The following UQCRC2 variants were observed in gnomAD, a reference collection of about 807,000 sequenced individuals.
UQCRC2 encodes cytochrome b-c1 complex subunit 2, mitochondrial.
In UQCRC2, 49 loss-of-function variants were observed where a neutral mutation model predicts 55.6. The observed-to-expected ratio is 0.88, with a 90% CI of 0.70 to 1.12. UQCRC2 has a LOEUF of 1.12. UQCRC2 is among the 50% of genes most tolerant of loss of function. The probability of loss-of-function intolerance (pLI) is 0.00; values close to 1 mark genes in which losing one functional copy is unlikely to be tolerated. For missense variants in UQCRC2, 506 were observed against 547.8 expected, an observed-to-expected ratio of 0.92 and a Z score of 0.76; for synonymous variants, 193 against 192.0, an observed-to-expected ratio of 1.01 and a Z score of -0.04.
At chr16:21,974,341 G>A (rs562937549) in intron 11 of UQCRC2, among the ~76,000 whole-genome samples, 5 of 152,218 alleles carry the variant, frequency 3.3e-5, no homozygotes, top group African/African-American at 1.2e-4. Flanking sequence ...ATGATTGTAG[G>A]AAAAGAAAAC....
At chr16:21,956,356 C>T (rs1322192102) in intron 1 of UQCRC2, among the ~76,000 whole-genome samples, 1 of 152,036 alleles carries the variant, frequency 6.6e-6, no homozygotes, top group East Asian at 1.9e-4. Context: ...CCAGCCTGAG[C>T]TATGGGGTGA....
intron 4 of UQCRC2, chr16:21,959,653 C>T (rs1264835498): frequency 6.6e-6 from 1 of 152,250 alleles, no homozygotes; most frequent in African/African-American, 2.4e-5. Flanking sequence ...ATGGTGAATT[C>T]TTTCCAGAAA....
At chr16:21,980,373 AG>A in intron 12 of UQCRC2, 173 bp from the exon 13 acceptor site, 1 of 693,784 alleles carries the variant, frequency 1.4e-6, no homozygotes, top group Non-Finnish European at 2.3e-6. Context: ...TTACTGTTTT[AG>A]TATGTTCCAG....
intron 6 of UQCRC2, among the ~76,000 whole-genome samples, chr16:21,964,186 G>T (rs1898270740): frequency 6.6e-6 from 1 of 152,164 alleles, no homozygotes; most frequent in African/African-American, 2.4e-5. Flanking sequence ...CATTATCTTT[G>T]TTGCTCAGGA....
chr16:21,967,528 T>C (rs1392481627), intron 7 of UQCRC2, among the ~76,000 whole-genome samples: 1 of 152,178 alleles, frequency 6.6e-6, no homozygotes, highest in African/African-American at 2.4e-5. Context: ...AGCCCTACTT[T>C]TGTATATTAA....
intron 7 of UQCRC2, among the ~76,000 whole-genome samples, chr16:21,967,497 T>A (rs1271639724): frequency 6.6e-6 from 1 of 152,160 alleles, no homozygotes; most frequent in African/African-American, 2.4e-5. Flanking sequence ...GGATAGCATT[T>A]CTGTTGAAAG....
intron 1 of UQCRC2, 106 bp downstream of exon 1, chr16:21,953,562 T>G (rs1013922305): frequency 8.4e-6 from 12 of 1,430,312 alleles, no homozygotes; most frequent in African/African-American, 2.8e-5. Flanking sequence ...GGATTCGGTC[T>G]GCCCTTCAGC....
Position 21,953,465 on chromosome 16 carries a change from A to C in UQCRC2, c.33+9A>C. On this transcript the variant is annotated intron_variant, in intron 1 of 13. Transcript: ENST00000268379. ...GAGCCGGCTCTTTCTCGGTGAGCTC[A>C]GGTGGCGGGTTTGGGAAAGGGCTGG... 1 of 1,612,204 alleles carries C rather than the reference A, an allele frequency of 6.2e-7. No individual in the cohort carries two copies. Among genetic ancestry groups the C allele is most frequent in the Non-Finnish European group, 8.5e-7 (1 of 1,179,222 alleles).
At chr16:21,961,159 A>C (rs1035614438) in intron 4 of UQCRC2, among the ~76,000 whole-genome samples, 2 of 152,160 alleles carry the variant, frequency 1.3e-5, no homozygotes, top group African/African-American at 2.4e-5. Flanking sequence ...TGTCAGTGGT[A>C]AAGATGATAG....
At chr16:21,975,661 C>T (rs920412976) in intron 11 of UQCRC2, among the ~76,000 whole-genome samples, 1 of 152,134 alleles carries the variant, frequency 6.6e-6, no homozygotes, top group African/African-American at 2.4e-5. Flanking sequence ...AAAGTATGGA[C>T]AAGCCTTACA....
At chr16:21,975,445 G>C (rs1344595794) in intron 11 of UQCRC2, among the ~76,000 whole-genome samples, 4 of 152,066 alleles carry the variant, frequency 2.6e-5, no homozygotes, top group Non-Finnish European at 4.4e-5. Flanking sequence ...TAAAATGAAG[G>C]GGAAACAGAG....
intron 1 of UQCRC2, 107 bp downstream of exon 1, chr16:21,953,563 G>C: frequency 7.1e-7 from 1 of 1,417,774 alleles, no homozygotes; most frequent in East Asian, 2.4e-5. Context: ...GATTCGGTCT[G>C]CCCTTCAGCT....
intron 10 of UQCRC2, among the ~76,000 whole-genome samples, chr16:21,973,065 A>C (rs988298781): frequency 6.6e-6 from 1 of 152,226 alleles, no homozygotes; most frequent in African/African-American, 2.4e-5. Context: ...GTGCCACTGC[A>C]CTCCAGCCTG....
At chr16:21,954,566 A>G (rs1286844058) in intron 1 of UQCRC2, among the ~76,000 whole-genome samples, 1 of 152,198 alleles carries the variant, frequency 6.6e-6, no homozygotes, top group Non-Finnish European at 1.5e-5. Context: ...GCTCAGAGAA[A>G]ACAGTTGGAG....
At chr16:21,961,646 A>ATATG (rs1898204615) in intron 4 of UQCRC2, among the ~76,000 whole-genome samples, 2 of 98,788 alleles carry the variant, frequency 2.0e-5, no homozygotes, top group South Asian at 5.5e-4. Flanking sequence ...ATATATATAT[A>ATATG]TATATATATA....
chr16:21,968,360 A>G (rs894173723), intron 7 of UQCRC2: 9 of 263,122 alleles, frequency 3.4e-5, no homozygotes, highest in African/African-American at 1.8e-4. Context: ...CATACTATAC[A>G]ACCTATTTAA....
intron 4 of UQCRC2, among the ~76,000 whole-genome samples, chr16:21,960,499 C>T (rs370298855): frequency 1.3e-5 from 2 of 152,144 alleles, no homozygotes; most frequent in South Asian, 4.1e-4. Flanking sequence ...GTCTGTCTTG[C>T]TTTCATATCA....
At chr16:21,971,701 T>C in intron 9 of UQCRC2, 81 bp downstream of exon 9, 1 of 1,443,590 alleles carries the variant, frequency 6.9e-7, no homozygotes, top group Non-Finnish European at 9.7e-7. Context: ...GGAATAGGCC[T>C]GAATATTTAC....
In UQCRC2 at chr16:21,957,286, GCAGGA is replaced by G. The variant is rs1219875189; in HGVS notation, c.86_90del (p.Ala29GlyfsTer9). ...CAAAGTTAAAGCCACAGCTGCGCCTGCAGGAGCACCGCCACAACCTCAGGACCTTG... is the reference window on the plus strand; with the variant it reads ...CAAAGTTAAAGCCACAGCTGCGCCTGGCACCGCCACAACCTCAGGACCTTG... On this transcript the variant is annotated frameshift_variant, in exon 2 of 14. Transcript: ENST00000268379. LOFTEE classifies it high-confidence loss of function. The G allele has an allele frequency of 6.2e-7, 1 of 1,613,854 alleles. No homozygotes were observed. Among genetic ancestry groups the G allele is most frequent in the Non-Finnish European group, 8.5e-7 (1 of 1,179,968 alleles).
Sources: allele counts gnomAD v4.1 joint callset (sites outside exome capture counted in the v4.1 genomes callset), GRCh38; gene constraint gnomAD v4.1.1; transcripts MANE v1.5; gene names NCBI Gene and HGNC (gene_info 2026-07-23, HGNC 2026-07-21).